KIRREL3: variants seen among roughly 807,000 people sequenced by gnomAD.
KIRREL3 encodes kin of IRRE-like protein 3.
KIRREL3 carries 36 observed loss-of-function variants against 89.7 expected under a neutral mutation model. That is an observed-to-expected ratio of 0.40 (90% CI 0.31 to 0.53). KIRREL3 has a LOEUF of 0.53. KIRREL3 is among the 20% of genes least tolerant of loss of function. The pLI, the probability that KIRREL3 is intolerant of heterozygous loss-of-function variation, is 0.49. For synonymous variants in KIRREL3, 445 were observed against 441.4 expected (o/e 1.01, Z -0.10); for missense variants, 864 against 1,056.6 (o/e 0.82, Z 2.53).
chr11:126,485,874 C>T lies in KIRREL3; in HGVS notation c.434-12408G>A, dbSNP rs766743334. 1.5e-4 allele frequency among the ~76,000 whole-genome samples: 23 copies of T among 152,340 alleles called. No homozygotes were observed. Among genetic ancestry groups the T allele is most frequent in the African/African-American group, 5.3e-4 (22 of 41,582 alleles). On this transcript the variant is annotated intron_variant, in intron 4 of 16. Coordinates refer to ENST00000525144, the MANE Select transcript of KIRREL3 (RefSeq NM_032531.4). The surrounding 1 kb of genome is among the most constrained non-coding windows in gnomAD (Gnocchi z 5.8). ...CAGCTGTACAGGTCTGATGGGCAGC[C>T]CTGCTGCCTTTAGGCAGGAGACCCC...
At position 126,627,984 on chromosome 11, in the gene KIRREL3, T is replaced by G. The variant is rs1316275873; in HGVS notation, c.56-65072A>C. ...GGTCTCCTGGTTTGAGAAACAGGAA[T>G]GATCCCAGCTCTACCTATCCTGAAG... On this transcript the variant is annotated intron_variant, in intron 1 of 16. Coordinates refer to ENST00000525144, the MANE Select transcript of KIRREL3 (RefSeq NM_032531.4). This position sits in a 1 kb window ranked among gnomAD's most constrained non-coding sequence, Gnocchi z 5.0. Among the ~76,000 whole-genome samples, 1 of 152,236 alleles carries G rather than the reference T, an allele frequency of 6.6e-6. No homozygotes were observed. Among genetic ancestry groups the G allele is most frequent in the Admixed American group, 6.5e-5 (1 of 15,286 alleles).
rs1026624451 is a variant in KIRREL3, at chr11:126,761,245, G to T, written c.56-198333C>A. ...CTGCAAGACCCAGTGGGAAAGGAAA[G>T]GTGGTCAGGTTGTCAGGCCCCTGCA... On this transcript the variant is annotated intron_variant, in intron 1 of 16. Transcript: ENST00000525144. The surrounding 1 kb of genome is among the most constrained non-coding windows in gnomAD (Gnocchi z 4.4). Among the ~76,000 whole-genome samples, 2 of 152,248 alleles carry T rather than the reference G, an allele frequency of 1.3e-5. No homozygotes were observed. The highest frequency in any genetic ancestry group is 6.5e-5 in the Admixed American group (1 of 15,284).
At position 126,891,560 on chromosome 11, in the gene KIRREL3, G is replaced by C. The variant is rs1241927548; in HGVS notation, c.55+108895C>G. On this transcript the variant is annotated intron_variant, in intron 1 of 16. Coordinates refer to ENST00000525144, the MANE Select transcript of KIRREL3 (RefSeq NM_032531.4). The surrounding 1 kb of genome is among the most constrained non-coding windows in gnomAD (Gnocchi z 5.1). Reference sequence around the variant, plus strand: ...AAGAGATGCACAGGGTGCTCCGACTGTTAGTCTGTCCTGCTATCACTATCA... The same window carrying C: ...AAGAGATGCACAGGGTGCTCCGACTCTTAGTCTGTCCTGCTATCACTATCA... 6.6e-6 allele frequency among the ~76,000 whole-genome samples: 1 copy of C among 152,218 alleles called. No individual in the cohort carries two copies. Among genetic ancestry groups the C allele is most frequent in the African/African-American group, 2.4e-5 (1 of 41,452 alleles).
At chr11:126,914,325 A>ACT (rs760894709) in intron 1 of KIRREL3, among the ~76,000 whole-genome samples, 1 of 152,284 alleles carries the variant, frequency 6.6e-6, no homozygotes, top group East Asian at 1.9e-4. Context: ...ACAAAGCAAT[A>ACT]CTCTATTCCC....
intron 1 of KIRREL3, among the ~76,000 whole-genome samples, chr11:126,633,335 C>T (rs1259127060): frequency 6.6e-6 from 1 of 152,022 alleles, no homozygotes. Flanking sequence ...ACACCTATCT[C>T]ATTTTTAGAA....
chr11:126,784,845 A>C (rs977481358), intron 1 of KIRREL3, among the ~76,000 whole-genome samples: 5 of 152,222 alleles, frequency 3.3e-5, no homozygotes, highest in African/African-American at 9.7e-5. Flanking sequence ...TGGTGCTAGA[A>C]ATAAAAGCAT....
chr11:126,608,370 C>G lies in KIRREL3; in HGVS notation c.56-45458G>C, dbSNP rs1033771660. On this transcript the variant is annotated intron_variant, in intron 1 of 16. Coordinates refer to ENST00000525144, the MANE Select transcript of KIRREL3 (RefSeq NM_032531.4). This position sits in a 1 kb window ranked among gnomAD's most constrained non-coding sequence, Gnocchi z 4.9. ...TCCTGTGCGGGGGCTCCTCCTCTAGCCCCAGGCTATCGAGCTGAATTAAGC... is the reference window on the plus strand; with the variant it reads ...TCCTGTGCGGGGGCTCCTCCTCTAGGCCCAGGCTATCGAGCTGAATTAAGC... Among the ~76,000 whole-genome samples, 3 of 152,198 alleles carry G rather than the reference C, an allele frequency of 2.0e-5. No homozygotes were observed. In the East Asian group the frequency reaches 5.8e-4, roughly 29 times the overall value.
intron 1 of KIRREL3, among the ~76,000 whole-genome samples, chr11:126,590,735 C>G (rs953865322): frequency 2.0e-5 from 3 of 152,148 alleles, no homozygotes; most frequent in African/African-American, 7.2e-5. Context: ...GCACCAGGCT[C>G]AAGGAGGCTG....
Position 126,680,397 on chromosome 11 carries a change from G to GATATATATATATAT in KIRREL3, c.56-117499_56-117486dup, listed in dbSNP as rs150251599. On this transcript the variant is annotated intron_variant, in intron 1 of 16. Transcript: ENST00000525144. ...AATGCTCATCAACTCTTCTACTGGA[G>GATATATATATATAT]ATATATATATATATATATACACATA... Among the ~76,000 whole-genome samples the GATATATATATATAT allele has an allele frequency of 2.0e-4, 29 of 144,174 alleles. 1 individual carries two copies. The South Asian group carries it at 4.8e-3, about 24-fold the overall frequency. The allele number at this position is 144,174 out of a possible 152,430, so 94.6% of individuals were successfully genotyped here.
Position 126,620,779 on chromosome 11 carries a change from C to T in KIRREL3, c.56-57867G>A, listed in dbSNP as rs1345880068. ...CCACTTTAAATTCCTTCTTTAGCTTCTAATAAATCATCCAAACCCAGAGAA... is the reference window on the plus strand; with the variant it reads ...CCACTTTAAATTCCTTCTTTAGCTTTTAATAAATCATCCAAACCCAGAGAA... On this transcript the variant is annotated intron_variant, in intron 1 of 16. Transcript: ENST00000525144. The surrounding 1 kb of genome is among the most constrained non-coding windows in gnomAD (Gnocchi z 4.8). 6.6e-6 allele frequency among the ~76,000 whole-genome samples: 1 copy of T among 152,200 alleles called. No homozygotes were observed. Among genetic ancestry groups the T allele is most frequent in the Admixed American group, 6.5e-5 (1 of 15,276 alleles).
At chr11:126,874,454 C>T (rs1297520508) in intron 1 of KIRREL3, among the ~76,000 whole-genome samples, 1 of 152,226 alleles carries the variant, frequency 6.6e-6, no homozygotes, top group Non-Finnish European at 1.5e-5. Flanking sequence ...AAAATCAGCA[C>T]TGCCGGTGCC....
rs542975677 is a variant in KIRREL3, at chr11:126,624,804, G to A, written c.56-61892C>T. 7.2e-5 allele frequency among the ~76,000 whole-genome samples: 11 copies of A among 152,306 alleles called. No homozygotes were observed. Among genetic ancestry groups the A allele is most frequent in the South Asian group, 2.1e-4 (1 of 4,818 alleles). On this transcript the variant is annotated intron_variant, in intron 1 of 16. Transcript: ENST00000525144. This position sits in a 1 kb window ranked among gnomAD's most constrained non-coding sequence, Gnocchi z 6.0. ...AGATGCTTGACTTGAGGCCAACTACGGAGGGCAGAGCTGATGGAAGGGCCC... is the reference window on the plus strand; with the variant it reads ...AGATGCTTGACTTGAGGCCAACTACAGAGGGCAGAGCTGATGGAAGGGCCC...
rs546310110 is a variant in KIRREL3 at position 126,917,848 on chromosome 11, A to G, written c.55+82607T>C. 4.4e-4 allele frequency among the ~76,000 whole-genome samples: 67 copies of G among 152,312 alleles called. No individual in the cohort carries two copies. Among genetic ancestry groups the G allele is most frequent in the African/African-American group, 1.5e-3 (63 of 41,560 alleles). On this transcript the variant is annotated intron_variant, in intron 1 of 16. Coordinates refer to ENST00000525144, the MANE Select transcript of KIRREL3 (RefSeq NM_032531.4). The surrounding 1 kb of genome is among the most constrained non-coding windows in gnomAD (Gnocchi z 5.0). The stretch of plus-strand genomic sequence containing the variant: ...GGCGTTTCTGAAGAACGAGATGGTA[A>G]AAACAGTGGCATTTCTGTTCCCTCC...
rs901066185 is a variant in KIRREL3 at position 126,898,143 on chromosome 11, A to C, written c.55+102312T>G. Among the ~76,000 whole-genome samples, 3 of 152,146 alleles carry C rather than the reference A, an allele frequency of 2.0e-5. No individual in the cohort carries two copies. The highest frequency in any genetic ancestry group is 6.6e-5 in the Admixed American group (1 of 15,266). On this transcript the variant is annotated intron_variant, in intron 1 of 16. Coordinates refer to ENST00000525144, the MANE Select transcript of KIRREL3 (RefSeq NM_032531.4). The surrounding 1 kb of genome is among the most constrained non-coding windows in gnomAD (Gnocchi z 4.9). The stretch of plus-strand genomic sequence containing the variant: ...TGCCCTGGTTCCAGTCTCTGATGCC[A>C]CAGTCGCCTATCTCGTGGACAGGTG...
intron 11 of KIRREL3, among the ~76,000 whole-genome samples, chr11:126,439,449 T>G (rs903264821): frequency 6.6e-6 from 1 of 150,402 alleles, no homozygotes; most frequent in African/African-American, 2.4e-5. Flanking sequence ...CAGTCGATCT[T>G]CCCACCTCAG....
rs992075809 is a variant in KIRREL3, at chr11:126,615,295, G to T, written c.56-52383C>A. Among the ~76,000 whole-genome samples the T allele has an allele frequency of 6.6e-6, 1 of 152,104 alleles. No individual in the cohort carries two copies. The highest frequency in any genetic ancestry group is 2.4e-5 in the African/African-American group (1 of 41,416). ...GTTCCTGGCACAGTCCTCAATAAAT[G>T]TTTATTGTCATTCCTGTGATTATTA... On this transcript the variant is annotated intron_variant, in intron 1 of 16. Transcript: ENST00000525144. This position sits in a 1 kb window ranked among gnomAD's most constrained non-coding sequence, Gnocchi z 5.4.
chr11:126,781,215 T>C (rs1269970202), intron 1 of KIRREL3, among the ~76,000 whole-genome samples: 1 of 152,200 alleles, frequency 6.6e-6, no homozygotes, highest in Non-Finnish European at 1.5e-5. Flanking sequence ...GGACACATAA[T>C]TTAATCTCTC....
intron 1 of KIRREL3, among the ~76,000 whole-genome samples, chr11:126,693,710 T>C (rs972867209): frequency 3.9e-5 from 6 of 152,212 alleles, no homozygotes; most frequent in Non-Finnish European, 8.8e-5. Context: ...ATAGCGTATG[T>C]AGCCTTCTAC....
rs372194760 is a variant in KIRREL3, at chr11:126,739,992, C to G, written c.56-177080G>C. ...CCATACAGCTGCACTCTGAATTTGT[C>G]ATGACTCACTGGAGGGTAGGGTGTA... On this transcript the variant is annotated intron_variant, in intron 1 of 16. Transcript: ENST00000525144. This position sits in a 1 kb window ranked among gnomAD's most constrained non-coding sequence, Gnocchi z 5.5. Among the ~76,000 whole-genome samples, 28 of 152,162 alleles carry G rather than the reference C, an allele frequency of 1.8e-4. No homozygotes were observed. The highest frequency in any genetic ancestry group is 5.8e-4 in the African/African-American group (24 of 41,524).
Sources: gnomAD v4.1 joint callset for allele counts (sites outside exome capture counted in the v4.1 genomes callset) on GRCh38, gnomAD v4.1.1 for gene constraint, Gnocchi (gnomAD v3.1) non-coding constraint, MANE v1.5 for transcripts, NCBI Gene and HGNC (gene_info 2026-07-23, HGNC 2026-07-21) for gene names.